The following LIPK variants were observed in gnomAD, a reference collection of about 807,000 sequenced individuals.
The protein encoded by LIPK is lipase member K.
Under a neutral mutation model 48.6 loss-of-function variants are expected in LIPK, and 32 were observed. That is an observed-to-expected ratio of 0.66 (90% CI 0.50 to 0.88). The LOEUF (loss-of-function observed/expected upper bound fraction) is 0.88. Ranked by LOEUF, LIPK falls within the 40% of genes least tolerant of loss-of-function variation. The pLI is 0.00. For missense variants in LIPK, 507 were observed against 478.5 expected (o/e 1.06, Z -0.56); for synonymous variants, 164 against 157.4 (o/e 1.04, Z -0.32).
chr10:88,711,692 C>T (rs570004196), intron 1 of LIPK, among the ~76,000 whole-genome samples: 4 of 152,154 alleles, frequency 2.6e-5, no homozygotes, highest in Non-Finnish European at 4.4e-5. Flanking sequence ...CCAGGTGGGT[C>T]TTGAGCTCCT....
chr10:88,733,164 G>A (rs554074459), intron 6 of LIPK, among the ~76,000 whole-genome samples: 47 of 152,246 alleles, frequency 3.1e-4, no homozygotes, highest in African/African-American at 1.1e-3. Flanking sequence ...ATCACTAAAT[G>A]CCCAACCTTG....
chr10:88,725,156 C>G (rs1022249479), intron 2 of LIPK, among the ~76,000 whole-genome samples: 1 of 152,144 alleles, frequency 6.6e-6, no homozygotes, highest in Non-Finnish European at 1.5e-5. Context: ...ATAATATACT[C>G]CATTCTCCTA....
intron 9 of LIPK, among the ~76,000 whole-genome samples, chr10:88,748,894 C>T (rs557721341): frequency 1.3e-5 from 2 of 151,596 alleles, no homozygotes; most frequent in South Asian, 4.2e-4. Context: ...TAAAAAACCC[C>T]ATAGTCTCAT....
intron 6 of LIPK, among the ~76,000 whole-genome samples, chr10:88,733,930 A>C (rs760274248): frequency 6.6e-6 from 1 of 152,186 alleles, no homozygotes; most frequent in Non-Finnish European, 1.5e-5. Context: ...ATGGGATTCA[A>C]CTAAGGAGGT....
intron 3 of LIPK, chr10:88,727,799 C>A: frequency 3.1e-6 from 1 of 326,786 alleles, no homozygotes; most frequent in South Asian, 3.0e-5. Context: ...TGTGAACACC[C>A]AGGAGAAGAA....
intron 1 of LIPK, among the ~76,000 whole-genome samples, chr10:88,714,747 C>T (rs1189678729): frequency 6.6e-6 from 1 of 152,030 alleles, no homozygotes; most frequent in African/African-American, 2.4e-5. Flanking sequence ...GATATTGGCA[C>T]ATATTGTAGC....
chr10:88,750,887 T>A (rs1842851723), intron 9 of LIPK, among the ~76,000 whole-genome samples: 1 of 152,094 alleles, frequency 6.6e-6, no homozygotes, highest in African/African-American at 2.4e-5. Flanking sequence ...CTACACTTAT[T>A]CCTTCTCAAA....
intron 1 of LIPK, among the ~76,000 whole-genome samples, chr10:88,719,926 G>C (rs1483322824): frequency 6.6e-6 from 1 of 152,190 alleles, no homozygotes; most frequent in Non-Finnish European, 1.5e-5. Context: ...CATTACTTAT[G>C]AGAGCTGCCT....
chr10:88,734,186 T>C (rs960015300), intron 6 of LIPK, among the ~76,000 whole-genome samples: 1 of 152,192 alleles, frequency 6.6e-6, no homozygotes, highest in African/African-American at 2.4e-5. Flanking sequence ...AGTAAAAACA[T>C]TGCTAGGCAA....
chr10:88,725,311 A>G (rs1201104119), intron 2 of LIPK, among the ~76,000 whole-genome samples: 1 of 152,164 alleles, frequency 6.6e-6, no homozygotes, highest in Non-Finnish European at 1.5e-5. Flanking sequence ...TTGATCTCCT[A>G]CCAAACTGTT....
chr10:88,728,748 C>G, intron 3 of LIPK: 3 of 265,486 alleles, frequency 1.1e-5, no homozygotes, highest in South Asian at 7.7e-5. Flanking sequence ...CTCGGCCTCA[C>G]AAGCTCTGCC....
intron 6 of LIPK, among the ~76,000 whole-genome samples, chr10:88,733,027 C>T (rs1163690477): frequency 6.6e-6 from 1 of 152,212 alleles, no homozygotes; most frequent in African/African-American, 2.4e-5. Flanking sequence ...ACTCATAGGG[C>T]TACCCTGAGG....
At chr10:88,725,560 G>C (rs774929108) in intron 2 of LIPK, among the ~76,000 whole-genome samples, 36 of 152,130 alleles carry the variant, frequency 2.4e-4, no homozygotes, top group African/African-American at 8.2e-4. Context: ...ATAATCCTTT[G>C]ATTAAGGCAT....
Position 88,732,363 on chromosome 10 carries a change from A to T in LIPK, c.533-52A>T, listed in dbSNP as rs555409479. The T allele has an allele frequency of 4.0e-5, 64 of 1,596,272 alleles. 1 individual carries two copies. The highest frequency in any genetic ancestry group is 4.5e-5 in the Non-Finnish European group (53 of 1,171,620). ...ATGGCTACATTTACTACAACTTAAA[A>T]TGAACAAATAATTATCTGAAAACTA... On this transcript the variant is annotated intron_variant, in intron 5 of 9. Transcript: ENST00000404190.
At chr10:88,748,629 A>G (rs923717848) in intron 9 of LIPK, among the ~76,000 whole-genome samples, 1 of 145,544 alleles carries the variant, frequency 6.9e-6, no homozygotes, top group Non-Finnish European at 1.5e-5. Context: ...AAAAAAAAAA[A>G]AAAGAAAACA....
At chr10:88,708,679 G>A (rs921192264) in intron 1 of LIPK, among the ~76,000 whole-genome samples, 4 of 151,910 alleles carry the variant, frequency 2.6e-5, no homozygotes, top group African/African-American at 9.7e-5. Context: ...ATAGAATAAT[G>A]ATTTGATGCC....
intron 8 of LIPK, among the ~76,000 whole-genome samples, chr10:88,740,726 C>A (rs1321401678): frequency 6.7e-6 from 1 of 149,736 alleles, no homozygotes; most frequent in Non-Finnish European, 1.5e-5. Context: ...AGTCACAACG[C>A]CTTTTGAAAA....
At chr10:88,736,428 C>T (rs1349174486) in intron 6 of LIPK, among the ~76,000 whole-genome samples, 1 of 152,028 alleles carries the variant, frequency 6.6e-6, no homozygotes, top group Non-Finnish European at 1.5e-5. Flanking sequence ...TAAATGTCCC[C>T]ATAATAATTT....
chr10:88,735,365 T>A (rs1220443591), intron 6 of LIPK, among the ~76,000 whole-genome samples: 1 of 152,234 alleles, frequency 6.6e-6, no homozygotes, highest in Non-Finnish European at 1.5e-5. Flanking sequence ...TAAAGATTGT[T>A]AGTACTGTCT....
Sources: gnomAD v4.1 joint callset for allele counts (sites outside exome capture counted in the v4.1 genomes callset) on GRCh38, gnomAD v4.1.1 for gene constraint, MANE v1.5 for transcripts, NCBI Gene and HGNC (gene_info 2026-07-23, HGNC 2026-07-21) for gene names.